Variants in TBC1D1 observed in about 807,000 individuals in gnomAD.
The protein encoded by TBC1D1 is TBC1 (tre-2/USP6, BUB2, cdc16) domain family, member 1.
In TBC1D1, 89 loss-of-function variants were observed where a neutral mutation model predicts 125.6. That is an observed-to-expected ratio of 0.71 (90% CI 0.60 to 0.85). The LOEUF (loss-of-function observed/expected upper bound fraction) is 0.85. Ranked by LOEUF, TBC1D1 falls within the 40% of genes least tolerant of loss-of-function variation. The probability of loss-of-function intolerance (pLI) is 0.00; values close to 1 mark genes in which losing one functional copy is unlikely to be tolerated. For synonymous variants in TBC1D1, 565 were observed against 564.1 expected (o/e 1.00, Z -0.02); for missense variants, 1,377 against 1,469.2 (o/e 0.94, Z 1.03).
intron 12 of TBC1D1, among the ~76,000 whole-genome samples, chr4:38,083,016 C>CT (rs1393750079): frequency 6.6e-6 from 1 of 152,182 alleles, no homozygotes; most frequent in African/African-American, 2.4e-5. Context: ...GTGTGCACCT[C>CT]TTTCCTCATC....
intron 10 of TBC1D1, among the ~76,000 whole-genome samples, chr4:38,047,474 G>A (rs1749712098): frequency 2.0e-5 from 3 of 152,078 alleles, no homozygotes; most frequent in Admixed American, 6.5e-5. Flanking sequence ...AAAATCCAGG[G>A]GAACATAGTG....
chr4:38,029,323 C>T (rs1448836479), intron 7 of TBC1D1, among the ~76,000 whole-genome samples: 1 of 152,132 alleles, frequency 6.6e-6, no homozygotes, highest in Non-Finnish European at 1.5e-5. Flanking sequence ...GATCCACGAT[C>T]TGCTTTCTGT....
At chr4:38,088,486 C>T (rs994003008) in intron 12 of TBC1D1, among the ~76,000 whole-genome samples, 4 of 152,150 alleles carry the variant, frequency 2.6e-5, no homozygotes, top group African/African-American at 9.7e-5. Context: ...TTCTCAGGCA[C>T]CTGCTGGGTG....
At chr4:38,038,204 T>A (rs755180752) in intron 8 of TBC1D1, among the ~76,000 whole-genome samples, 34 of 152,214 alleles carry the variant, frequency 2.2e-4, no homozygotes, top group Non-Finnish European at 4.3e-4. Flanking sequence ...TGTGTTTTTT[T>A]AAGGAGCTTA....
chr4:37,961,753 A>T (rs1026084707), intron 2 of TBC1D1, among the ~76,000 whole-genome samples: 2 of 152,216 alleles, frequency 1.3e-5, no homozygotes, highest in African/African-American at 4.8e-5. Context: ...TGAACATGTT[A>T]TTCCACAAAA....
chr4:38,126,120 C>T (rs1444632335), intron 18 of TBC1D1, among the ~76,000 whole-genome samples: 2 of 152,214 alleles, frequency 1.3e-5, no homozygotes, highest in African/African-American at 2.4e-5. Flanking sequence ...CTAGGCCCTA[C>T]AAATCTGTAT....
chr4:38,035,759 A>G, intron 8 of TBC1D1, 61 bp downstream of exon 8: 1 of 1,257,018 alleles, frequency 8.0e-7, no homozygotes, highest in Non-Finnish European at 1.1e-6. Context: ...TGTATAAACA[A>G]CGTTTTGAGG....
At chr4:38,052,722 GCGCGCGCACACA>G (rs1750916660) in intron 11 of TBC1D1, among the ~76,000 whole-genome samples, 2 of 59,368 alleles carry the variant, frequency 3.4e-5, no homozygotes, top group African/African-American at 1.3e-4. Context: ...ACGCGCGCGC[GCGCGCGCACACA>G]CACACACACA....
intron 7 of TBC1D1, among the ~76,000 whole-genome samples, chr4:38,029,096 G>A (rs557724669): frequency 6.6e-6 from 1 of 152,106 alleles, no homozygotes; most frequent in Admixed American, 6.5e-5. Flanking sequence ...TCTTTAATGA[G>A]GTCATCCAAA....
At chr4:38,110,687 A>C (rs1762057774) in intron 15 of TBC1D1, 4 of 985,420 alleles carry the variant, frequency 4.1e-6, no homozygotes, top group Non-Finnish European at 4.8e-6. Context: ...TGTGAAGGTA[A>C]TCTGCTTTAC....
chr4:37,983,699 T>G (rs1014606587), intron 2 of TBC1D1, among the ~76,000 whole-genome samples: 1 of 152,214 alleles, frequency 6.6e-6, no homozygotes, highest in African/African-American at 2.4e-5. Context: ...CTGTTATTAA[T>G]ATTCCTCACC....
chr4:38,026,218 A>G (rs1745057987), intron 6 of TBC1D1, among the ~76,000 whole-genome samples: 1 of 152,230 alleles, frequency 6.6e-6, no homozygotes, highest in Non-Finnish European at 1.5e-5. Context: ...TGGGTTAAAA[A>G]AAAGGGAAAA....
chr4:37,979,555 G>A (rs543286748), intron 2 of TBC1D1, among the ~76,000 whole-genome samples: 2 of 152,332 alleles, frequency 1.3e-5, no homozygotes, highest in Admixed American at 1.3e-4. Flanking sequence ...TACACAATGT[G>A]AATAATCTTG....
At chr4:38,121,455 C>G (rs949731352) in intron 17 of TBC1D1, among the ~76,000 whole-genome samples, 7 of 152,156 alleles carry the variant, frequency 4.6e-5, no homozygotes, top group African/African-American at 1.4e-4. Context: ...ATAGAGTCAG[C>G]TGAATTTAAG....
intron 4 of TBC1D1, among the ~76,000 whole-genome samples, 184 bp from the exon 5 acceptor site, chr4:38,020,407 G>A (rs1478434800): frequency 6.6e-6 from 1 of 152,210 alleles, no homozygotes; most frequent in East Asian, 1.9e-4. Context: ...GAACCCTGGA[G>A]ACAGAGGTTG....
chr4:37,945,920 T>C lies in TBC1D1; in HGVS notation c.417+43408T>C, dbSNP rs563604747. Reference sequence around the variant, plus strand: ...CAAAATAGAAGTCAGCTGTGATTCATCTGAAACTATGTGGACATTCTGAGT... The same window carrying C: ...CAAAATAGAAGTCAGCTGTGATTCACCTGAAACTATGTGGACATTCTGAGT... On this transcript the variant is annotated intron_variant, in intron 2 of 19. Coordinates refer to ENST00000261439, the MANE Select transcript of TBC1D1 (RefSeq NM_015173.4). 2.6e-5 allele frequency among the ~76,000 whole-genome samples: 4 copies of C among 152,350 alleles called. No homozygotes were observed. In the South Asian group the frequency reaches 8.3e-4, roughly 32 times the overall value.
At chr4:38,002,646 A>G (rs1273378471) in intron 2 of TBC1D1, among the ~76,000 whole-genome samples, 4 of 152,236 alleles carry the variant, frequency 2.6e-5, no homozygotes, top group Non-Finnish European at 4.4e-5. Flanking sequence ...TTTGTCCTAC[A>G]TAAGTAGCAC....
chr4:38,076,308 C>T (rs1224069432), intron 12 of TBC1D1, among the ~76,000 whole-genome samples: 1 of 152,156 alleles, frequency 6.6e-6, no homozygotes, highest in Non-Finnish European at 1.5e-5. Context: ...GAAACTGCCC[C>T]CATGATTAAA....
chr4:37,968,723 G>A lies in TBC1D1; in HGVS notation c.418-45786G>A, dbSNP rs145389520. On this transcript the variant is annotated intron_variant, in intron 2 of 19. Coordinates refer to ENST00000261439, the MANE Select transcript of TBC1D1 (RefSeq NM_015173.4). ...TCACCTGAAGATTCATCTTGAATCCGGCATGATTTAAAATGTGAGTGTGGG... is the reference window on the plus strand; with the variant it reads ...TCACCTGAAGATTCATCTTGAATCCAGCATGATTTAAAATGTGAGTGTGGG... 6.6e-5 allele frequency among the ~76,000 whole-genome samples: 10 copies of A among 152,220 alleles called. No individual in the cohort carries two copies. The East Asian group carries it at 1.2e-3, about 18-fold the overall frequency.
Sources: gnomAD v4.1 joint callset for allele counts (sites outside exome capture counted in the v4.1 genomes callset) on GRCh38, gnomAD v4.1.1 for gene constraint, MANE v1.5 for transcripts, NCBI Gene and HGNC (gene_info 2026-07-23, HGNC 2026-07-21) for gene names.